MAGI1: variants seen among roughly 807,000 people sequenced by gnomAD.
MAGI1 encodes membrane-associated guanylate kinase, WW and PDZ domain-containing protein 1.
MAGI1 carries 58 observed loss-of-function variants against 139.9 expected under a neutral mutation model. The observed-to-expected ratio is 0.41, with a 90% confidence interval of 0.34 to 0.52. MAGI1 has a LOEUF of 0.52. Among genes scored for constraint, MAGI1 ranks in the 20% least tolerant of loss-of-function variants. The probability of loss-of-function intolerance (pLI) is 0.12; values close to 1 mark genes in which losing one functional copy is unlikely to be tolerated. For synonymous variants in MAGI1, 812 were observed against 737.9 expected (o/e 1.10, Z -1.63); for missense variants, 1,874 against 1,901.6 (o/e 0.99, Z 0.27).
chr3:65,406,317 TG>T (rs1474067630), intron 12 of MAGI1, among the ~76,000 whole-genome samples: 2 of 151,814 alleles, frequency 1.3e-5, no homozygotes, highest in African/African-American at 2.4e-5. Context: ...CCTGAGTTGC[TG>T]GGAAAGAGAG....
At chr3:65,745,769 G>C (rs953450364) in intron 1 of MAGI1, among the ~76,000 whole-genome samples, 7 of 152,128 alleles carry the variant, frequency 4.6e-5, no homozygotes, top group Non-Finnish European at 1.0e-4. Flanking sequence ...TCGCTCTGTG[G>C]CCCAGGCTGG....
At chr3:65,537,342 G>A (rs1205856008) in intron 2 of MAGI1, among the ~76,000 whole-genome samples, 1 of 152,090 alleles carries the variant, frequency 6.6e-6, no homozygotes, top group East Asian at 1.9e-4. Flanking sequence ...ATAAGCAGGA[G>A]CAGGCACTCC....
At chr3:65,842,463 C>T (rs997846101) in intron 1 of MAGI1, among the ~76,000 whole-genome samples, 1 of 151,912 alleles carries the variant, frequency 6.6e-6, no homozygotes, top group Non-Finnish European at 1.5e-5. Context: ...CAGGTTCAAG[C>T]GACTCTGCTG....
intron 1 of MAGI1, among the ~76,000 whole-genome samples, chr3:65,950,106 A>AAAAAAAAAC (rs796698272): frequency 8.3e-5 from 7 of 84,190 alleles, no homozygotes; most frequent in East Asian, 3.9e-4. Flanking sequence ...AAAAAAAAAA[A>AAAAAAAAAC]CAGAACTAGC....
At chr3:65,812,872 G>C (rs2041365944) in intron 1 of MAGI1, among the ~76,000 whole-genome samples, 1 of 151,444 alleles carries the variant, frequency 6.6e-6, no homozygotes, top group African/African-American at 2.4e-5. Flanking sequence ...ACCACACCCA[G>C]CTAATTTTTG....
chr3:65,972,695 G>A (rs2065067072), intron 1 of MAGI1, among the ~76,000 whole-genome samples: 1 of 152,144 alleles, frequency 6.6e-6, no homozygotes, highest in Non-Finnish European at 1.5e-5. Flanking sequence ...AGAACAACAA[G>A]GGGAAAAACA....
chr3:65,691,762 A>G (rs56862730), intron 1 of MAGI1, among the ~76,000 whole-genome samples: 44,207 of 152,034 alleles, frequency 0.29, 6,483 homozygotes, highest in East Asian at 0.43. Context: ...TCAGCATTAT[A>G]GTACATTTAT....
At chr3:65,430,671 G>A (rs1346990894) in intron 11 of MAGI1, 28 bp downstream of exon 11, 1 of 1,607,514 alleles carries the variant, frequency 6.2e-7, no homozygotes, top group Non-Finnish European at 8.5e-7. Context: ...TCACCACACA[G>A]AACACACTAA....
At chr3:66,035,580 T>G (rs549007702) in intron 1 of MAGI1, among the ~76,000 whole-genome samples, 1 of 152,194 alleles carries the variant, frequency 6.6e-6, no homozygotes. Context: ...TGTGCCTGTG[T>G]AATTATTACA....
chr3:65,776,905 G>A (rs540820549), intron 1 of MAGI1, among the ~76,000 whole-genome samples: 3 of 152,304 alleles, frequency 2.0e-5, no homozygotes, highest in East Asian at 3.9e-4. Context: ...GGTTATGTCT[G>A]CACTGAACAG....
rs1324067166 is a variant in MAGI1 at position 65,425,090 on chromosome 3, A to AAAG, written c.2167+4429_2167+4430insCTT. 8.1e-5 allele frequency among the ~76,000 whole-genome samples: 12 copies of AAAG among 148,316 alleles called. No individual in the cohort carries two copies. The South Asian group carries it at 2.6e-3, about 32-fold the overall frequency. On this transcript the variant is annotated intron_variant, in intron 12 of 22. Coordinates refer to ENST00000402939, the MANE Select transcript of MAGI1 (RefSeq NM_001033057.2). ...GTATCAAGAGAAGAAGAAAAAAAAAACCTACCAGTAGAACTTCTAAAAAAA... is the reference window on the plus strand; with the variant it reads ...GTATCAAGAGAAGAAGAAAAAAAAAAAAGCCTACCAGTAGAACTTCTAAAAAAA...
intron 1 of MAGI1, among the ~76,000 whole-genome samples, chr3:65,815,587 G>GTAT (rs1397636787): frequency 2.0e-5 from 3 of 151,886 alleles, no homozygotes; most frequent in Non-Finnish European, 4.4e-5. Context: ...AAATCATATA[G>GTAT]TATTATCTTA....
intron 1 of MAGI1, among the ~76,000 whole-genome samples, chr3:65,703,666 A>G (rs1428849759): frequency 6.6e-6 from 1 of 152,200 alleles, no homozygotes; most frequent in African/African-American, 2.4e-5. Flanking sequence ...TGGCAGGCTA[A>G]TTTATAGTTT....
chr3:65,706,106 A>G (rs921125346), intron 1 of MAGI1, among the ~76,000 whole-genome samples: 1 of 152,214 alleles, frequency 6.6e-6, no homozygotes, highest in African/African-American at 2.4e-5. Context: ...TTTCTAATCA[A>G]TGTAATGAAA....
chr3:65,409,400 C>G (rs115626445), intron 12 of MAGI1, among the ~76,000 whole-genome samples: 1 of 151,852 alleles, frequency 6.6e-6, no homozygotes, highest in African/African-American at 2.4e-5. Flanking sequence ...AGCATTTAAT[C>G]GTGGGGTGGG....
At chr3:65,538,975 T>C (rs34835630) in intron 2 of MAGI1, among the ~76,000 whole-genome samples, 9 of 114,300 alleles carry the variant, frequency 7.9e-5, no homozygotes, top group East Asian at 2.6e-4. Context: ...AACAGACACA[T>C]ATACCAACTA....
At chr3:65,874,004 G>A (rs1263272478) in intron 1 of MAGI1, 2 of 152,190 alleles carry the variant, frequency 1.3e-5, no homozygotes, top group African/African-American at 2.4e-5. Flanking sequence ...TGAAGATGCA[G>A]GCTAGGTGTA....
chr3:65,962,103 T>C (rs947646462), intron 1 of MAGI1, among the ~76,000 whole-genome samples: 13 of 150,850 alleles, frequency 8.6e-5, no homozygotes, highest in East Asian at 1.9e-4. Context: ...TTTGTTCTCA[T>C]GGACATTAAT....
At position 65,670,235 on chromosome 3, in the gene MAGI1, G is replaced by A. The variant is rs1296602990; in HGVS notation, c.314-48147C>T. ...GTGGGGAAAAAACATTGAAATCCAT[G>A]TATAGTTGTATCCTATTGTGTACTT... On this transcript the variant is annotated intron_variant, in intron 1 of 22. Transcript: ENST00000402939. Among the ~76,000 whole-genome samples the A allele has an allele frequency of 3.9e-5, 6 of 152,108 alleles. No homozygotes were observed. In the East Asian group the frequency reaches 5.8e-4, roughly 15 times the overall value.
Sources: gnomAD v4.1 joint callset for allele counts (sites outside exome capture counted in the v4.1 genomes callset) on GRCh38, gnomAD v4.1.1 for gene constraint, MANE v1.5 for transcripts, NCBI Gene and HGNC (gene_info 2026-07-23, HGNC 2026-07-21) for gene names.